UFD1: variants seen among roughly 807,000 people sequenced by gnomAD.
The protein encoded by UFD1 is ubiquitin recognition factor in ER associated degradation 1, also known as ubiquitin recognition factor in ER-associated degradation protein 1.
Under a neutral mutation model 45.9 loss-of-function variants are expected in UFD1, and 13 were observed. The ratio of observed to expected loss-of-function variants is 0.28; its 90% CI spans 0.18 to 0.45. The LOEUF (loss-of-function observed/expected upper bound fraction) is 0.45, where lower values mean the gene tolerates loss of function less well. Ranked by LOEUF, UFD1 falls within the 20% of genes least tolerant of loss-of-function variation. The probability of loss-of-function intolerance (pLI) is 1.00; values close to 1 mark genes in which losing one functional copy is unlikely to be tolerated. For missense variants in UFD1, 218 were observed against 389.2 expected (o/e 0.56, Z 3.70); for synonymous variants, 128 against 139.2 (o/e 0.92, Z 0.56).
At position 19,474,231 on chromosome 22, in the gene UFD1, T is replaced by C. The variant is rs528826124; in HGVS notation, c.169+837A>G. ...CAGTTTTTGACATGCTGAGGATGCA[T>C]TGGTGCACTGGAGATTAGAAACGGG... On this transcript the variant is annotated intron_variant, in intron 3 of 11. Coordinates refer to ENST00000263202, the MANE Select transcript of UFD1 (RefSeq NM_005659.7). Among the ~76,000 whole-genome samples the C allele has an allele frequency of 4.3e-4, 66 of 152,126 alleles. 1 individual carries two copies. The highest frequency in any genetic ancestry group is 2.3e-3 in the South Asian group (11 of 4,816).
intron 1 of UFD1, among the ~76,000 whole-genome samples, chr22:19,476,647 A>C (rs1257259562): frequency 2.0e-5 from 3 of 146,906 alleles, no homozygotes; most frequent in African/African-American, 7.6e-5. Context: ...GATAATACTG[A>C]AATCTATACA....
At chr22:19,470,362 A>C (rs1379468949) in intron 4 of UFD1, among the ~76,000 whole-genome samples, 1 of 152,154 alleles carries the variant, frequency 6.6e-6, no homozygotes, top group Non-Finnish European at 1.5e-5. Flanking sequence ...CAGGCTGAAG[A>C]GGATGCCACT....
chr22:19,455,352 A>G (rs1042390488), intron 10 of UFD1, among the ~76,000 whole-genome samples: 2 of 152,230 alleles, frequency 1.3e-5, no homozygotes, highest in Non-Finnish European at 2.9e-5. Flanking sequence ...AAATAGGCAG[A>G]TCACCAAATA....
intron 11 of UFD1, chr22:19,451,929 T>G (rs2089686019): frequency 1.0e-6 from 1 of 985,354 alleles, no homozygotes; most frequent in Admixed American, 6.1e-5. Flanking sequence ...GCTCCTTATT[T>G]CCTGGATTCT....
At chr22:19,475,136 A>C (rs911188316) in intron 2 of UFD1, 36 bp from the exon 3 acceptor site, 1 of 1,590,414 alleles carries the variant, frequency 6.3e-7, no homozygotes, top group Admixed American at 1.7e-5. Flanking sequence ...TTAAAAAATA[A>C]AAATAAAAAG....
In UFD1 at chr22:19,471,751, C is replaced by A. The variant is rs371674923; in HGVS notation, c.227G>T (p.Arg76Leu). 7 of 1,614,006 alleles carry A rather than the reference C, an allele frequency of 4.3e-6. No individual in the cohort carries two copies. In the Admixed American group the frequency reaches 5.0e-5, roughly 12 times the overall value. The change falls in exon 4 of 12, where the codon CGC becomes CTC. Residue 76 changes from arginine to leucine, a missense_variant. Coordinates refer to ENST00000263202, the MANE Select transcript of UFD1 (RefSeq NM_005659.7). ...CTCCAGCACGCCACAATGCGTCATG[C>A]GGTCCGAATTCTTATTGGTCAGTTT... is the stretch of plus-strand genomic sequence containing the variant. ...LFKLTNKNSD[R>L]MTHCGVLEFV...
At chr22:19,453,235 A>C (rs879913923) in intron 11 of UFD1, 37 of 985,272 alleles carry the variant, frequency 3.8e-5, no homozygotes, top group Non-Finnish European at 4.3e-5. Flanking sequence ...CACAATCTAC[A>C]CAGAACTGCT....
chr22:19,451,842 CA>C (rs1426931513), intron 11 of UFD1: 15 of 985,380 alleles, frequency 1.5e-5, no homozygotes, highest in Non-Finnish European at 1.8e-5. Context: ...TCTGTTTTGA[CA>C]AACCTGTGTC....
chr22:19,450,305 A>T lies in UFD1; in HGVS notation c.*365T>A. The T allele has an allele frequency of 5.4e-6, 1 of 184,474 alleles. No homozygotes were observed. The allele number at this position is 184,474 out of a possible 1,614,324, so 11.4% of individuals were successfully genotyped here. A position where few individuals can be genotyped will look rare whatever the true frequency, so the allele number is the denominator to read the frequency against. Reference sequence around the variant, plus strand: ...GAAAAGAAAGGATAAATGAAGAAAAAGAAAGAACACTTCATGTTAGACAAT... The same window carrying T: ...GAAAAGAAAGGATAAATGAAGAAAATGAAAGAACACTTCATGTTAGACAAT... On this transcript the variant is annotated 3_prime_UTR_variant, in exon 12 of 12. Transcript: ENST00000263202.
At chr22:19,466,386 A>C (rs578047614) in intron 5 of UFD1, 1 of 152,292 alleles carries the variant, frequency 6.6e-6, no homozygotes, top group South Asian at 2.1e-4. Flanking sequence ...CCAGCTTCCC[A>C]CTTTCTCTGC....
At chr22:19,456,828 A>C (rs2089727234) in intron 8 of UFD1, 25 bp downstream of exon 8, 1 of 1,614,042 alleles carries the variant, frequency 6.2e-7, no homozygotes, top group Admixed American at 1.7e-5. Context: ...GCAGGACAGC[A>C]AAGGACACTG....
rs923483537 is a variant in UFD1 at position 19,451,172 on chromosome 22, C to G, written c.850-428G>C. 1.0e-5 allele frequency: 10 copies of G among 978,988 alleles called. No individual in the cohort carries two copies. In the African/African-American group the frequency reaches 1.8e-4, roughly 17 times the overall value. The allele number at this position is 978,988 out of a possible 1,614,324, so 60.6% of individuals were successfully genotyped here. A position where few individuals can be genotyped will look rare whatever the true frequency, so the allele number is the denominator to read the frequency against. Reference sequence around the variant, plus strand: ...GTAAGTTCATCACCCAAAAACATTTCAGGTCACTTTTCTGTACATGCTTAA... The same window carrying G: ...GTAAGTTCATCACCCAAAAACATTTGAGGTCACTTTTCTGTACATGCTTAA... On this transcript the variant is annotated intron_variant, in intron 11 of 11. Coordinates refer to ENST00000263202, the MANE Select transcript of UFD1 (RefSeq NM_005659.7).
chr22:19,466,374 CA>C (rs1445925195), intron 5 of UFD1: 4 of 152,302 alleles, frequency 2.6e-5, no homozygotes, highest in Non-Finnish European at 4.4e-5. Context: ...CCTGCTGCAG[CA>C]CCAGCTTCCC....
chr22:19,460,756 T>C (rs534822989), intron 6 of UFD1, among the ~76,000 whole-genome samples: 15 of 132,424 alleles, frequency 1.1e-4, no homozygotes, highest in Admixed American at 2.3e-4. Context: ...ACCACCATTC[T>C]TTTTTTTTTT....
chr22:19,475,353 A>G (rs1356187895), intron 2 of UFD1, 117 bp downstream of exon 2: 9 of 1,475,704 alleles, frequency 6.1e-6, no homozygotes, highest in Non-Finnish European at 8.3e-6. Flanking sequence ...TCCCAGCACC[A>G]TTTTCACAGT....
chr22:19,477,480 G>A (rs1040169651), intron 1 of UFD1, among the ~76,000 whole-genome samples: 4 of 152,302 alleles, frequency 2.6e-5, no homozygotes, highest in African/African-American at 9.6e-5. Flanking sequence ...GAAGTACCTA[G>A]AGTAGGCAAA....
intron 11 of UFD1, chr22:19,453,085 A>G (rs1160163497): frequency 1.0e-6 from 1 of 985,304 alleles, no homozygotes; most frequent in Non-Finnish European, 1.2e-6. Flanking sequence ...CCTTCACTTC[A>G]GAGATAGTAG....
intron 6 of UFD1, among the ~76,000 whole-genome samples, chr22:19,462,678 AG>A (rs1294816542): frequency 6.6e-6 from 1 of 152,152 alleles, no homozygotes; most frequent in Non-Finnish European, 1.5e-5. Flanking sequence ...TCAAAAAAAA[AG>A]AGAGTAAGTC....
intron 1 of UFD1, chr22:19,478,799 T>G (rs754778535): frequency 4.0e-6 from 2 of 498,150 alleles, no homozygotes; most frequent in Non-Finnish European, 7.0e-6. Context: ...GTCCAGCACT[T>G]GGGAAACCCG....
Sources: allele counts gnomAD v4.1 joint callset (sites outside exome capture counted in the v4.1 genomes callset), GRCh38; gene constraint gnomAD v4.1.1; transcripts MANE v1.5; gene names NCBI Gene and HGNC (gene_info 2026-07-23, HGNC 2026-07-21).